Variants in VWC2 observed in about 807,000 individuals in gnomAD.
VWC2 encodes the protein brorin.
Under a neutral mutation model 29.8 loss-of-function variants are expected in VWC2, and 14 were observed. The observed-to-expected ratio is 0.47, with a 90% CI of 0.31 to 0.74. The LOEUF is 0.74. VWC2 is among the 30% of genes least tolerant of loss of function. The probability of loss-of-function intolerance (pLI) is 0.05; values close to 1 mark genes in which losing one functional copy is unlikely to be tolerated. For synonymous variants in VWC2, 213 were observed against 199.0 expected (o/e 1.07, Z -0.59); for missense variants, 457 against 459.8 (o/e 0.99, Z 0.05).
At chr7:49,780,678 A>G (rs1788153931) in intron 2 of VWC2, among the ~76,000 whole-genome samples, 1 of 152,192 alleles carries the variant, frequency 6.6e-6, no homozygotes, top group African/African-American at 2.4e-5. Flanking sequence ...AGGAGCTCTG[A>G]TTGGCAATTG....
intron 3 of VWC2, among the ~76,000 whole-genome samples, chr7:49,872,967 A>T (rs1284305303): frequency 6.6e-6 from 1 of 150,746 alleles, no homozygotes; most frequent in Non-Finnish European, 1.5e-5. Flanking sequence ...TTGGTATCCA[A>T]ATAAATAATT....
At chr7:49,865,819 A>G (rs1426786232) in intron 3 of VWC2, among the ~76,000 whole-genome samples, 2 of 152,104 alleles carry the variant, frequency 1.3e-5, no homozygotes, top group African/African-American at 4.8e-5. Flanking sequence ...AGCACCCAGA[A>G]TGCTCATTCC....
intron 2 of VWC2, among the ~76,000 whole-genome samples, chr7:49,801,007 CAA>C (rs1788725837): frequency 6.6e-6 from 1 of 152,106 alleles, no homozygotes; most frequent in African/African-American, 2.4e-5. Flanking sequence ...TAAAGTTTTT[CAA>C]AGTTTCCTTT....
rs763774592 is a variant in VWC2, at chr7:49,775,788, C to T, written c.353C>T (p.Pro118Leu). 2.3e-5 allele frequency: 35 copies of T among 1,528,424 alleles called. No individual in the cohort carries two copies. The South Asian group carries it at 3.6e-4, about 16-fold the overall frequency. 94.7% of individuals were successfully genotyped at this position (1,528,424 alleles called of 1,614,324 possible). A position where few individuals can be genotyped will look rare whatever the true frequency, so the allele number is the denominator to read the frequency against. ...CAGGTCCGGCCCCGCGGGGACACCC[C>T]GCAGGCGGAAGCCCTGGCCGCAGCC... Reference protein sequence around the residue: ...DLQVRPRGDTPQAEALAAAAQ... With the variant: ...DLQVRPRGDTLQAEALAAAAQ... Residue 118 changes from proline (P) to leucine (L), a missense_variant, in exon 2 of 4, where the codon CCG (proline) becomes CTG (leucine). Pro to Leu is a moderately conservative substitution (Grantham distance 98, BLOSUM62 -3). Transcript: ENST00000340652.
intron 3 of VWC2, among the ~76,000 whole-genome samples, chr7:49,862,753 T>C (rs1034673893): frequency 2.0e-5 from 3 of 152,104 alleles, no homozygotes; most frequent in East Asian, 1.9e-4. Flanking sequence ...TTCATTCTGT[T>C]AATGTGTTGT....
At chr7:49,826,045 G>A (rs900580951) in intron 3 of VWC2, among the ~76,000 whole-genome samples, 1 of 152,150 alleles carries the variant, frequency 6.6e-6, no homozygotes, top group Admixed American at 6.5e-5. Flanking sequence ...TAGAAAGAAA[G>A]GGTTGACAAA....
chr7:49,914,251 C>A lies in VWC2; in HGVS notation c.*2066C>A, dbSNP rs1380317219. 6.6e-6 allele frequency: 1 copy of A among 152,224 alleles called. No homozygotes were observed. Among genetic ancestry groups the A allele is most frequent in the Admixed American group, 6.5e-5 (1 of 15,278 alleles). The allele number at this position is 152,224 out of a possible 1,614,324, so 9.4% of individuals were successfully genotyped here. A position where few individuals can be genotyped will look rare whatever the true frequency, so the allele number is the denominator to read the frequency against. ...CATGCAGCTCAAAGTCTTCCTGTTT[C>A]CCTTAATAATAATTCCTACCAGAAT... On this transcript the variant is annotated 3_prime_UTR_variant, in exon 4 of 4. Transcript: ENST00000340652.
chr7:49,776,666 G>T (rs1452633158), intron 2 of VWC2, among the ~76,000 whole-genome samples: 1 of 152,190 alleles, frequency 6.6e-6, no homozygotes, highest in Admixed American at 6.5e-5. Context: ...CATAGTGGAT[G>T]GTGAAACCAA....
At chr7:49,896,768 A>G (rs1262287452) in intron 3 of VWC2, among the ~76,000 whole-genome samples, 1 of 152,230 alleles carries the variant, frequency 6.6e-6, no homozygotes, top group Non-Finnish European at 1.5e-5. Flanking sequence ...CTCTATGCAC[A>G]TAAATTTAAC....
At chr7:49,870,212 A>G (rs1791086712) in intron 3 of VWC2, among the ~76,000 whole-genome samples, 1 of 152,142 alleles carries the variant, frequency 6.6e-6, no homozygotes, top group South Asian at 2.1e-4. Flanking sequence ...CATCCTGGCT[A>G]AGACAGTGAA....
chr7:49,853,323 C>A (rs1790273810), intron 3 of VWC2, among the ~76,000 whole-genome samples: 1 of 152,236 alleles, frequency 6.6e-6, no homozygotes, highest in Non-Finnish European at 1.5e-5. Context: ...CCCATGGGGG[C>A]ACACCCCTGT....
At chr7:49,867,081 T>C (rs1790924078) in intron 3 of VWC2, among the ~76,000 whole-genome samples, 1 of 152,152 alleles carries the variant, frequency 6.6e-6, no homozygotes, top group Admixed American at 6.5e-5. Flanking sequence ...TCAAGAAATG[T>C]AAATAGCCAA....
intron 3 of VWC2, among the ~76,000 whole-genome samples, chr7:49,889,363 A>G (rs594773): frequency 0.018 from 2,745 of 152,338 alleles, 90 homozygotes; most frequent in African/African-American, 0.063. Flanking sequence ...AAAATAAGAC[A>G]GTATAATTTA....
intron 3 of VWC2, among the ~76,000 whole-genome samples, chr7:49,819,904 A>G (rs1318020189): frequency 6.6e-6 from 1 of 152,180 alleles, no homozygotes; most frequent in Admixed American, 6.5e-5. Flanking sequence ...ACCATGTCCT[A>G]TAAATAGAGG....
In VWC2 at chr7:49,920,699, T is replaced by C. The variant is rs1793980115; in HGVS notation, c.*8514T>C. On this transcript the variant is annotated 3_prime_UTR_variant, in exon 4 of 4. Coordinates refer to ENST00000340652, the MANE Select transcript of VWC2 (RefSeq NM_198570.5). ...AGCATGAATAAAACACATATGTATT[T>C]AATTGTGTTATTTACTATTTATAAT... The C allele has an allele frequency of 6.9e-6, 1 of 145,220 alleles. No homozygotes were observed. Among genetic ancestry groups the C allele is most frequent in the Admixed American group, 7.0e-5 (1 of 14,296 alleles). 9.0% of individuals were successfully genotyped at this position (145,220 alleles called of 1,614,324 possible).
chr7:49,865,745 A>G (rs898953420), intron 3 of VWC2, among the ~76,000 whole-genome samples: 2 of 152,210 alleles, frequency 1.3e-5, no homozygotes, highest in Admixed American at 6.5e-5. Context: ...GAGGTCTATT[A>G]TGGTAACAAG....
chr7:49,901,513 T>C (rs1792722517), intron 3 of VWC2, among the ~76,000 whole-genome samples: 1 of 151,762 alleles, frequency 6.6e-6, no homozygotes, highest in Non-Finnish European at 1.5e-5. Flanking sequence ...ATACATAAGA[T>C]CTATATGAGG....
At chr7:49,881,464 T>A (rs576949966) in intron 3 of VWC2, among the ~76,000 whole-genome samples, 6 of 152,172 alleles carry the variant, frequency 3.9e-5, no homozygotes, top group Non-Finnish European at 8.8e-5. Flanking sequence ...TGCCTAACCC[T>A]ACCTCACCTC....
At chr7:49,846,433 A>C (rs1789948542) in intron 3 of VWC2, among the ~76,000 whole-genome samples, 2 of 152,196 alleles carry the variant, frequency 1.3e-5, no homozygotes, top group African/African-American at 4.8e-5. Flanking sequence ...TGACATCTGC[A>C]GAACAACATA....
Sources: gnomAD v4.1 joint callset for allele counts (sites outside exome capture counted in the v4.1 genomes callset) on GRCh38, gnomAD v4.1.1 for gene constraint, MANE v1.5 for transcripts, NCBI Gene and HGNC (gene_info 2026-07-23, HGNC 2026-07-21) for gene names.